E2F8: variants seen among roughly 807,000 people sequenced by gnomAD.
E2F8 encodes the protein E2F transcription factor 8.
In E2F8, 35 loss-of-function variants were observed where a neutral mutation model predicts 80.8. The observed-to-expected ratio is 0.43, with a 90% CI of 0.33 to 0.57. The LOEUF (loss-of-function observed/expected upper bound fraction) is 0.57. E2F8 is among the 20% of genes least tolerant of loss of function. E2F8 has a pLI of 0.04. For missense variants in E2F8, 975 were observed against 1,056.2 expected (o/e 0.92, Z 1.07); for synonymous variants, 386 against 395.0 (o/e 0.98, Z 0.27).
chr11:19,234,482 A>T lies in E2F8; in HGVS notation c.806T>A (p.Met269Lys). Residue 269 changes from methionine (M) to lysine (K), a missense_variant, in exon 6 of 13, where the codon ATG becomes AAG. Coordinates refer to ENST00000250024, the MANE Select transcript of E2F8 (RefSeq NM_024680.4). ...NSRKDKSLRV[M>K]SQKFVMLFLV... ...AAACAGCATCACAAATTTCTGGCTC[A>T]TTACCCTTAAAGACTTGTCTTTGCG... 6.2e-7 allele frequency: 1 copy of T among 1,614,216 alleles called. No homozygotes were observed. The highest frequency in any genetic ancestry group is 1.1e-5 in the South Asian group (1 of 91,086).
chr11:19,231,524 G>A (rs1851381253), intron 7 of E2F8, among the ~76,000 whole-genome samples: 1 of 152,186 alleles, frequency 6.6e-6, no homozygotes, highest in Non-Finnish European at 1.5e-5. Context: ...TGTCTTCATG[G>A]CCCACGTTCT....
rs1312403341 is a variant in E2F8 at position 19,229,119 on chromosome 11, G to A, written c.1893+335C>T. On this transcript the variant is annotated intron_variant, in intron 10 of 12. Transcript: ENST00000250024. The surrounding 1 kb of genome is among the most constrained non-coding windows in gnomAD (Gnocchi z 4.3). ...TTACAGGAACCCTATGCATCCACAC[G>A]TTCATTTGGGGTTACGTCTGCTTGT... Among the ~76,000 whole-genome samples, 2 of 152,134 alleles carry A rather than the reference G, an allele frequency of 1.3e-5. No homozygotes were observed. The highest frequency in any genetic ancestry group is 2.4e-5 in the African/African-American group (1 of 41,426).
rs201925488 is a variant in E2F8 at position 19,234,991 on chromosome 11, G to A, written c.519C>T (p.Leu173=). 14 of 1,614,076 alleles carry A rather than the reference G, an allele frequency of 8.7e-6. No homozygotes were observed. Among genetic ancestry groups the A allele is most frequent in the Admixed American group, 1.7e-5 (1 of 60,002 alleles). The change falls in exon 5 of 13, where the codon CTC becomes CTT. Residue 173 remains leucine, a synonymous_variant. Transcript: ENST00000250024. The part of the protein sequence containing the change: ...VLESLHMVSR[L]AKNRYTWHGR... ...CGTGCCAAGTGTACCTGTTTTTGGC[G>A]AGGCGGCTCACCATATGTAAACTCT...
chr11:19,234,995 C>T lies in E2F8; in HGVS notation c.515G>A (p.Arg172His), dbSNP rs1363350887. ...CCAAGTGTACCTGTTTTTGGCGAGG[C>T]GGCTCACCATATGTAAACTCTCTAG... ...NVLESLHMVS[R>H]LAKNRYTWHG... The change falls in exon 5 of 13, where the codon CGC becomes CAC. Residue 172 changes from arginine to histidine, a missense_variant. By Grantham distance (29) the Arg-to-His change is conservative (BLOSUM62 0). Transcript: ENST00000250024. 4.3e-6 allele frequency: 7 copies of T among 1,614,176 alleles called. No individual in the cohort carries two copies. Among genetic ancestry groups the T allele is most frequent in the Non-Finnish European group, 5.1e-6 (6 of 1,180,032 alleles).
intron 6 of E2F8, among the ~76,000 whole-genome samples, chr11:19,233,475 G>C (rs993793362): frequency 1.3e-5 from 2 of 152,042 alleles, no homozygotes; most frequent in African/African-American, 4.8e-5. Context: ...AGCTCACACA[G>C]AACAGATTCT....
chr11:19,230,795 T>G lies in E2F8; in HGVS notation c.1106A>C (p.Glu369Ala). Residue 369 changes from glutamate to alanine, a missense_variant, in exon 8 of 13, where the codon GAG (glutamate) becomes GCG (alanine). Transcript: ENST00000250024. ...GTTCTCTTTTGAAGACCGTCTCACCTCCAAATCAGAGGGAGTAAAATGAAT... is the reference window on the plus strand; with the variant it reads ...GTTCTCTTTTGAAGACCGTCTCACCGCCAAATCAGAGGGAGTAAAATGAAT... ...PVIHFTPSDL[E>A]VRRSSKENCA... 1.2e-6 allele frequency: 2 copies of G among 1,614,120 alleles called. No homozygotes were observed. The highest frequency in any genetic ancestry group is 2.2e-5 in the South Asian group (2 of 91,084).
chr11:19,231,837 C>T (rs143525346), intron 7 of E2F8, among the ~76,000 whole-genome samples: 96 of 152,256 alleles, frequency 6.3e-4, no homozygotes, highest in Admixed American at 5.2e-3. Context: ...TTCTATATTG[C>T]CATTCATCTT....
At chr11:19,227,737 G>T (rs1038178964) in intron 10 of E2F8, among the ~76,000 whole-genome samples, 1 of 152,128 alleles carries the variant, frequency 6.6e-6, no homozygotes, top group Non-Finnish European at 1.5e-5. Flanking sequence ...TTTGTTGAAT[G>T]AATTAACACA....
chr11:19,237,539 T>C, intron 3 of E2F8, 69 bp from the exon 4 acceptor site: 1 of 1,513,098 alleles, frequency 6.6e-7, no homozygotes, highest in South Asian at 1.3e-5. Context: ...GGGGCATCTG[T>C]GCTCGATGAC....
Position 19,229,817 on chromosome 11 carries a change from CA to C in E2F8, c.1529del (p.Leu510ArgfsTer25), listed in dbSNP as rs1565068041. On this transcript the variant is annotated frameshift_variant, in exon 10 of 13. Transcript: ENST00000250024. LOFTEE classifies it high-confidence loss of function. The surrounding 1 kb of genome is among the most constrained non-coding windows in gnomAD (Gnocchi z 4.3). Reference sequence around the variant, plus strand: ...GGCCTGAAGGGGCCTGAGGTAGGATCAGGGGCACTGCTGATGACAAGGGGCT... The same window carrying C: ...GGCCTGAAGGGGCCTGAGGTAGGATCGGGGCACTGCTGATGACAAGGGGCT... The part of the protein sequence containing the change: ...IPSPLSSAVP[L>X]ILPQAPSGPS... 6.2e-7 allele frequency: 1 copy of C among 1,613,786 alleles called. No individual in the cohort carries two copies. The highest frequency in any genetic ancestry group is 8.5e-7 in the Non-Finnish European group (1 of 1,179,874).
chr11:19,224,673 T>C lies in E2F8; in HGVS notation c.2589A>G (p.Thr863=). The C allele has an allele frequency of 6.2e-7, 1 of 1,614,190 alleles. No individual in the cohort carries two copies. The highest frequency in any genetic ancestry group is 8.5e-7 in the Non-Finnish European group (1 of 1,180,020). The change falls in exon 13 of 13, where the codon ACA becomes ACG. Residue 863 remains threonine, a synonymous_variant. Transcript: ENST00000250024. ...CATCTGTTGATTAATGGACATCCTC[T>C]GTTGAGACTTCCAGTTTTCGCTGTG... The part of the protein sequence containing the change: ...FVPQRKLEVS[T]EDVH
intron 10 of E2F8, among the ~76,000 whole-genome samples, chr11:19,227,853 C>G (rs1208150937): frequency 6.6e-6 from 1 of 152,166 alleles, no homozygotes; most frequent in East Asian, 1.9e-4. Flanking sequence ...TTTGGGAAGC[C>G]AAGGCAGGCA....
chr11:19,237,784 C>G, intron 3 of E2F8, 70 bp downstream of exon 3: 1 of 1,538,758 alleles, frequency 6.5e-7, no homozygotes, highest in Non-Finnish European at 8.7e-7. Flanking sequence ...TGGCACTTCT[C>G]TAATAGCTAC....
intron 10 of E2F8, 99 bp from the exon 11 acceptor site, chr11:19,225,963 A>T: frequency 7.0e-7 from 1 of 1,425,166 alleles, no homozygotes. Context: ...TGGTTGCCTC[A>T]TTGGACCAAA....
chr11:19,227,997 A>T (rs1305716743), intron 10 of E2F8, among the ~76,000 whole-genome samples: 1 of 152,188 alleles, frequency 6.6e-6, no homozygotes, highest in Non-Finnish European at 1.5e-5. Context: ...AGGTGGGAGG[A>T]TCACTTAAGC....
Position 19,232,267 on chromosome 11 carries a change from A to G in E2F8, c.1033T>C (p.Trp345Arg). ...TTTGGACTGATTTCTGGGCCGGTCC[A>G]TTTGAAAGCTGGTTTTCGGCCTCTT... ...EERGRKPAFK[W>R]TGPEISPNTS... The change falls in exon 7 of 13, where the codon TGG (tryptophan) becomes CGG (arginine). Residue 345 changes from tryptophan (W) to arginine (R), a missense_variant. By Grantham distance (101) the Trp-to-Arg change is moderately radical. Coordinates refer to ENST00000250024, the MANE Select transcript of E2F8 (RefSeq NM_024680.4). 1 of 1,614,234 alleles carries G rather than the reference A, an allele frequency of 6.2e-7. No individual in the cohort carries two copies. The highest frequency in any genetic ancestry group is 8.5e-7 in the Non-Finnish European group (1 of 1,180,032).
intron 2 of E2F8, 95 bp from the exon 3 acceptor site, chr11:19,238,227 C>A: frequency 2.3e-6 from 3 of 1,295,672 alleles, no homozygotes; most frequent in Non-Finnish European, 3.1e-6. Flanking sequence ...AGAATCATGC[C>A]AAGGAAAAAA....
In E2F8 at chr11:19,230,611, T is replaced by G; in HGVS notation, c.1270+20A>C. 1.9e-6 allele frequency: 3 copies of G among 1,610,998 alleles called. No homozygotes were observed. Among genetic ancestry groups the G allele is most frequent in the Non-Finnish European group, 2.5e-6 (3 of 1,177,818 alleles). Reference sequence around the variant, plus strand: ...AAGGGAATTCTTCCTAGCAGATCCCTGACATTCCTGAAAACATACCTTTGT... The same window carrying G: ...AAGGGAATTCTTCCTAGCAGATCCCGGACATTCCTGAAAACATACCTTTGT... On this transcript the variant is annotated intron_variant, in intron 8 of 12. Transcript: ENST00000250024.
At position 19,229,888 on chromosome 11, in the gene E2F8, C is replaced by T. The variant is rs1297361574; in HGVS notation, c.1459G>A (p.Ala487Thr). 1 of 1,614,024 alleles carries T rather than the reference C, an allele frequency of 6.2e-7. No homozygotes were observed. Among genetic ancestry groups the T allele is most frequent in the East Asian group, 2.2e-5 (1 of 44,886 alleles). ...PPVNAEMELT[A>T]PSLIQPLGMV... ...CCCAGGGGCTGGATGAGGGACGGTG[C>T]TGTCAGCTCCATCTCAGCATTCACT... Residue 487 changes from alanine (A) to threonine (T), a missense_variant, in exon 10 of 13, where the codon GCA (alanine) becomes ACA (threonine). Coordinates refer to ENST00000250024, the MANE Select transcript of E2F8 (RefSeq NM_024680.4). This position sits in a 1 kb window ranked among gnomAD's most constrained non-coding sequence, Gnocchi z 4.3.
Sources: gnomAD v4.1 joint callset for allele counts (sites outside exome capture counted in the v4.1 genomes callset) on GRCh38, gnomAD v4.1.1 for gene constraint, Gnocchi (gnomAD v3.1) non-coding constraint, MANE v1.5 for transcripts, NCBI Gene and HGNC (gene_info 2026-07-23, HGNC 2026-07-21) for gene names.